SOS2: variants seen among roughly 807,000 people sequenced by gnomAD.
The protein encoded by SOS2 is SOS Ras/Rho guanine nucleotide exchange factor 2.
Under a neutral mutation model 148.2 loss-of-function variants are expected in SOS2, and 65 were observed. The observed-to-expected ratio is 0.44, with a 90% CI of 0.36 to 0.54. The LOEUF (loss-of-function observed/expected upper bound fraction) is 0.54. Ranked by LOEUF, SOS2 falls within the 20% of genes least tolerant of loss-of-function variation. The probability of loss-of-function intolerance (pLI) is 0.00; values close to 1 mark genes in which losing one functional copy is unlikely to be tolerated. For missense variants in SOS2, 1,341 were observed against 1,590.2 expected (o/e 0.84, Z 2.67); for synonymous variants, 539 against 537.1 (o/e 1.00, Z -0.05).
At chr14:50,209,274 C>CGTCTGTGTGTGTGTGTGTGTGT (rs1886780544) in intron 1 of SOS2, among the ~76,000 whole-genome samples, 1 of 118,276 alleles carries the variant, frequency 8.5e-6, no homozygotes, top group Non-Finnish European at 1.9e-5. Context: ...CCTTAAATGT[C>CGTCTGTGTGTGTGTGTGTGTGT]GTGTGTGTGT....
intron 8 of SOS2, among the ~76,000 whole-genome samples, chr14:50,162,536 A>C (rs1885043315): frequency 6.6e-6 from 1 of 152,210 alleles, no homozygotes; most frequent in Admixed American, 6.5e-5. Context: ...AAGTAACTAT[A>C]AACTATTTCA....
In SOS2 at chr14:50,188,670, T is replaced by C; in HGVS notation, c.541A>G (p.Ile181Val). The C allele has an allele frequency of 1.2e-6, 2 of 1,607,560 alleles. No individual in the cohort carries two copies. The highest frequency in any genetic ancestry group is 1.7e-6 in the Non-Finnish European group (2 of 1,177,570). The change falls in exon 5 of 23, where the codon ATA (isoleucine) becomes GTA (valine). Residue 181 changes from isoleucine to valine, a missense_variant. Coordinates refer to ENST00000216373, the MANE Select transcript of SOS2 (RefSeq NM_006939.4). ...VLMDMFDQDD[I>V]GLVSLCEDEP... ...TCTTCACAGAGAGAAACCAAACCTA[T>C]GTCATCCTGATCAAACATGTCCATC... is the stretch of plus-strand genomic sequence containing the variant.
chr14:50,118,928 TCTTA>T lies in SOS2; in HGVS notation c.3490-79_3490-76del, dbSNP rs770998664. 4.1e-4 allele frequency: 387 copies of T among 945,766 alleles called. 1 individual carries two copies. In the African/African-American group the frequency reaches 4.4e-3, roughly 11 times the overall value. 58.6% of individuals were successfully genotyped at this position (945,766 alleles called of 1,614,324 possible). ...AAAAAAATTTTTAAGTCTGAAAAAT[TCTTA>T]CTTGTCAAGTTAAATTCAGAGGCTC... On this transcript the variant is annotated intron_variant, in intron 22 of 22. Coordinates refer to ENST00000216373, the MANE Select transcript of SOS2 (RefSeq NM_006939.4).
At chr14:50,185,949 C>T in intron 5 of SOS2, among the ~76,000 whole-genome samples, 1 of 152,082 alleles carries the variant, frequency 6.6e-6, no homozygotes, top group East Asian at 1.9e-4. Context: ...CCCGTTATCA[C>T]ACATTTGGTC....
At position 50,182,357 on chromosome 14, in the gene SOS2, T is replaced by G. The variant is rs1163721704; in HGVS notation, c.858+106A>C. 1.9e-5 allele frequency: 19 copies of G among 1,023,476 alleles called. No homozygotes were observed. In the South Asian group the frequency reaches 2.4e-4, roughly 13 times the overall value. 63.4% of individuals were successfully genotyped at this position (1,023,476 alleles called of 1,614,324 possible). On this transcript the variant is annotated intron_variant, in intron 6 of 22. Coordinates refer to ENST00000216373, the MANE Select transcript of SOS2 (RefSeq NM_006939.4). ...TACCATGCCTGGATAATTATTTTACTTTTTTATGGAAACGGGGTCTCACTA... is the reference window on the plus strand; with the variant it reads ...TACCATGCCTGGATAATTATTTTACGTTTTTATGGAAACGGGGTCTCACTA...
intron 16 of SOS2, among the ~76,000 whole-genome samples, chr14:50,143,897 G>A (rs996595712): frequency 6.7e-6 from 1 of 148,688 alleles, no homozygotes; most frequent in Non-Finnish European, 1.5e-5. Context: ...GGGCTCAAGT[G>A]ATCCTCCTGT....
chr14:50,218,027 G>A (rs1426163371), intron 1 of SOS2, among the ~76,000 whole-genome samples: 2 of 151,730 alleles, frequency 1.3e-5, no homozygotes, highest in Non-Finnish European at 2.9e-5. Flanking sequence ...GCCAGGTGCA[G>A]TGGCTTATGC....
intron 19 of SOS2, among the ~76,000 whole-genome samples, chr14:50,133,235 C>CTTTTTT (rs1883951975): frequency 1.6e-5 from 2 of 122,642 alleles, no homozygotes; most frequent in Admixed American, 9.8e-5. Flanking sequence ...AACTTTTTTT[C>CTTTTTT]TTTTTTCTTT....
At chr14:50,221,652 A>T (rs910182286) in intron 1 of SOS2, among the ~76,000 whole-genome samples, 3 of 152,164 alleles carry the variant, frequency 2.0e-5, no homozygotes, top group African/African-American at 7.2e-5. Context: ...CAGGCCCATG[A>T]AAATAAAAAG....
chr14:50,165,864 T>C (rs1426522186), intron 8 of SOS2, among the ~76,000 whole-genome samples: 1 of 152,214 alleles, frequency 6.6e-6, no homozygotes, highest in African/African-American at 2.4e-5. Flanking sequence ...TATAATCATA[T>C]GTTACAGATG....
chr14:50,184,576 T>C (rs1397040163), intron 5 of SOS2, among the ~76,000 whole-genome samples: 1 of 151,992 alleles, frequency 6.6e-6, no homozygotes, highest in African/African-American at 2.4e-5. Context: ...GAAGGGTTAC[T>C]TGAAACCAAA....
chr14:50,137,971 C>G (rs2139547297), intron 18 of SOS2, among the ~76,000 whole-genome samples: 1 of 152,142 alleles, frequency 6.6e-6, no homozygotes, highest in East Asian at 1.9e-4. Context: ...TCCCAAGTAG[C>G]TGGGATTACA....
intron 8 of SOS2, among the ~76,000 whole-genome samples, chr14:50,165,413 G>A (rs915210312): frequency 5.9e-5 from 9 of 151,872 alleles, no homozygotes; most frequent in Admixed American, 6.6e-5. Flanking sequence ...ACACACACCC[G>A]CGCACACACT....
chr14:50,140,651 G>T (rs967185865), intron 16 of SOS2, among the ~76,000 whole-genome samples: 1 of 151,936 alleles, frequency 6.6e-6, no homozygotes, highest in Admixed American at 6.5e-5. Flanking sequence ...AAAAGCCAAG[G>T]GTATAACATT....
chr14:50,231,139 C>A, intron 1 of SOS2, 58 bp downstream of exon 1: 2 of 1,070,940 alleles, frequency 1.9e-6, no homozygotes, highest in South Asian at 4.9e-5. Flanking sequence ...ACCTGCTCCC[C>A]GTTAGAAGCT....
intron 8 of SOS2, among the ~76,000 whole-genome samples, chr14:50,161,912 A>C (rs1885023511): frequency 6.6e-6 from 1 of 150,604 alleles, no homozygotes; most frequent in Non-Finnish European, 1.5e-5. Context: ...CACCACACCC[A>C]GCTAATTTTT....
chr14:50,220,405 C>CGAAAA (rs779813155), intron 1 of SOS2, among the ~76,000 whole-genome samples: 2 of 30,446 alleles, frequency 6.6e-5, no homozygotes, highest in Admixed American at 6.4e-4. Flanking sequence ...GACTCCATCT[C>CGAAAA]AAAAAAAAAA....
At chr14:50,192,143 CAAAAAAAAAAA>C (rs201836422) in intron 4 of SOS2, among the ~76,000 whole-genome samples, 7 of 118,928 alleles carry the variant, frequency 5.9e-5, no homozygotes, top group African/African-American at 1.0e-4. Context: ...GTCCTTGTCA[CAAAAAAAAAAA>C]AAAAAAAAAA....
chr14:50,178,670 GCATATATATATATATATATA>G (rs1262494582), intron 7 of SOS2, among the ~76,000 whole-genome samples: 70 of 68,016 alleles, frequency 1.0e-3, no homozygotes, highest in East Asian at 3.4e-3. Context: ...GTGTGTGTGT[GCATATATATATATATATATA>G]TATATATATA....
Sources: gnomAD v4.1 joint callset for allele counts (sites outside exome capture counted in the v4.1 genomes callset) on GRCh38, gnomAD v4.1.1 for gene constraint, MANE v1.5 for transcripts, NCBI Gene and HGNC (gene_info 2026-07-23, HGNC 2026-07-21) for gene names.